NACC2: variants seen among roughly 807,000 people sequenced by gnomAD.
The protein encoded by NACC2 is NACC family member 2, also known as nucleus accumbens-associated protein 2.
NACC2 carries 8 observed loss-of-function variants against 25.1 expected under a neutral mutation model. The ratio of observed to expected loss-of-function variants is 0.32; its 90% CI spans 0.19 to 0.57. The LOEUF is 0.57. Ranked by LOEUF, NACC2 falls within the 20% of genes least tolerant of loss-of-function variation. NACC2 has a pLI of 0.89. For synonymous variants in NACC2, 435 were observed against 294.7 expected (o/e 1.48, Z -4.88); for missense variants, 644 against 650.2 (o/e 0.99, Z 0.10).
At chr9:136,059,795 T>C (rs1411241326) in intron 1 of NACC2, among the ~76,000 whole-genome samples, 1 of 152,186 alleles carries the variant, frequency 6.6e-6, no homozygotes, top group Non-Finnish European at 1.5e-5. Flanking sequence ...CCCATGAGCA[T>C]GTCACCCGGC....
rs1005118811 is a variant in NACC2 at position 136,077,277 on chromosome 9, C to A, written c.-60+17912G>T. On this transcript the variant is annotated intron_variant, in intron 1 of 5. Coordinates refer to ENST00000277554, the MANE Select transcript of NACC2 (RefSeq NM_144653.5). ...ACCCGGAGGTGGAGGTTGCAGTGAGCCAAGATTGCGCCATTGCACTCCAGC... is the reference window on the plus strand; with the variant it reads ...ACCCGGAGGTGGAGGTTGCAGTGAGACAAGATTGCGCCATTGCACTCCAGC... Among the ~76,000 whole-genome samples the A allele has an allele frequency of 5.9e-5, 9 of 152,194 alleles. No individual in the cohort carries two copies. In the South Asian group the frequency reaches 1.9e-3, roughly 32 times the overall value.
chr9:136,054,555 C>T (rs951099092), intron 1 of NACC2, among the ~76,000 whole-genome samples: 34 of 152,260 alleles, frequency 2.2e-4, no homozygotes, highest in African/African-American at 7.9e-4. Flanking sequence ...GACCCTCCTG[C>T]TACACCCAGA....
At chr9:136,074,451 T>C (rs1016118603) in intron 1 of NACC2, among the ~76,000 whole-genome samples, 3 of 29,368 alleles carry the variant, frequency 1.0e-4, no homozygotes, top group African/African-American at 1.7e-4. Context: ...AGACTCCGTC[T>C]CAAAAAAAAA....
intron 1 of NACC2, among the ~76,000 whole-genome samples, chr9:136,053,638 A>G (rs1005467304): frequency 1.2e-3 from 179 of 152,328 alleles, no homozygotes; most frequent in Non-Finnish European, 1.9e-3. Flanking sequence ...GGGCCTGTGC[A>G]ACACAGCACA....
At chr9:136,035,978 T>C (rs1168898958) in intron 2 of NACC2, among the ~76,000 whole-genome samples, 1 of 152,204 alleles carries the variant, frequency 6.6e-6, no homozygotes, top group Non-Finnish European at 1.5e-5. Flanking sequence ...GGAAGAAATT[T>C]CTTTAAATAG....
intron 2 of NACC2, among the ~76,000 whole-genome samples, chr9:136,041,015 G>GAAAGGAAGGAAGC (rs1388926458): frequency 1.1e-5 from 1 of 93,432 alleles, no homozygotes; most frequent in Non-Finnish European, 2.5e-5. Flanking sequence ...AGGAAGGAAG[G>GAAAGGAAGGAAGC]AAAGGAAAGG....
intron 2 of NACC2, among the ~76,000 whole-genome samples, chr9:136,046,100 C>A (rs1840720112): frequency 6.6e-6 from 1 of 152,232 alleles, no homozygotes; most frequent in Non-Finnish European, 1.5e-5. Flanking sequence ...ACAGCACCAC[C>A]AAGTCCCAAG....
chr9:136,011,644 CG>C lies in NACC2; in HGVS notation c.1635del (p.Glu546SerfsTer55). The C allele has an allele frequency of 7.1e-7, 1 of 1,403,890 alleles. No individual in the cohort carries two copies. 87.0% of individuals were successfully genotyped at this position (1,403,890 alleles called of 1,614,324 possible). ...CTCTGGCCATCGGCGGGCAGCGGCT[CG>C]GGGGCGGCCACCTCCTGGATGACCG... Reference protein sequence around the residue: ...AGSVIQEVAAPEPLPADGQSP... With the variant: ...AGSVIQEVAAXEPLPADGQSP... On this transcript the variant is annotated frameshift_variant, in exon 6 of 6. Coordinates refer to ENST00000277554, the MANE Select transcript of NACC2 (RefSeq NM_144653.5). LOFTEE classifies it high-confidence loss of function.
intron 2 of NACC2, among the ~76,000 whole-genome samples, chr9:136,029,772 C>T (rs1840446378): frequency 6.6e-6 from 1 of 152,218 alleles, no homozygotes; most frequent in Admixed American, 6.5e-5. Flanking sequence ...GCTGCCCACC[C>T]CACTGCAGCC....
intron 1 of NACC2, among the ~76,000 whole-genome samples, chr9:136,093,611 T>C (rs1279320697): frequency 1.3e-5 from 2 of 152,236 alleles, no homozygotes; most frequent in African/African-American, 2.4e-5. Flanking sequence ...CCAAGTGGCT[T>C]TGCCGAAAGG....
chr9:136,016,573 C>G (rs1278234842), intron 2 of NACC2, 144 bp from the exon 3 acceptor site: 14 of 946,928 alleles, frequency 1.5e-5, no homozygotes, highest in Admixed American at 2.5e-5. Flanking sequence ...CTCTGTGCCG[C>G]TCTCCTGCTG....
At chr9:136,016,466 T>C (rs1343987481) in intron 2 of NACC2, 37 bp from the exon 3 acceptor site, 1 of 1,608,900 alleles carries the variant, frequency 6.2e-7, no homozygotes. Flanking sequence ...GATGGGCATC[T>C]GGGGGGCCGG....
At chr9:136,045,232 A>T (rs1238000845) in intron 2 of NACC2, among the ~76,000 whole-genome samples, 1 of 152,100 alleles carries the variant, frequency 6.6e-6, no homozygotes, top group Non-Finnish European at 1.5e-5. Context: ...CACCGGGTGG[A>T]CCCCAGAGAG....
chr9:136,024,200 A>G (rs76213437), intron 2 of NACC2, among the ~76,000 whole-genome samples: 6,144 of 87,804 alleles, frequency 0.07, 781 homozygotes, highest in African/African-American at 0.25. Context: ...TGTGTGTGTG[A>G]GGACAGAGTG....
chr9:136,088,967 ATC>A (rs1484204542), intron 1 of NACC2, among the ~76,000 whole-genome samples: 1 of 152,248 alleles, frequency 6.6e-6, no homozygotes, highest in Non-Finnish European at 1.5e-5. Context: ...TGATCTCGGC[ATC>A]GCGTGGAGCG....
intron 2 of NACC2, among the ~76,000 whole-genome samples, chr9:136,045,406 T>C (rs1840707750): frequency 6.6e-6 from 1 of 151,396 alleles, no homozygotes; most frequent in South Asian, 2.1e-4. Context: ...TGGGAAAGGG[T>C]TACCGTGGAA....
chr9:136,077,988 G>A (rs1289978877), intron 1 of NACC2, among the ~76,000 whole-genome samples: 2 of 152,130 alleles, frequency 1.3e-5, no homozygotes, highest in Non-Finnish European at 2.9e-5. Context: ...TAGCCAGGCT[G>A]GTCTCAAACT....
At chr9:136,087,100 G>A (rs1830387148) in intron 1 of NACC2, among the ~76,000 whole-genome samples, 1 of 152,232 alleles carries the variant, frequency 6.6e-6, no homozygotes, top group African/African-American at 2.4e-5. Flanking sequence ...TGTGAGGACG[G>A]AGGCAGAGAC....
chr9:136,057,180 C>G (rs1840938188), intron 1 of NACC2, among the ~76,000 whole-genome samples: 1 of 152,232 alleles, frequency 6.6e-6, no homozygotes, highest in Non-Finnish European at 1.5e-5. Flanking sequence ...TGTGACTGAG[C>G]CGAGCCCTGC....
Sources: gnomAD v4.1 joint callset for allele counts (sites outside exome capture counted in the v4.1 genomes callset) on GRCh38, gnomAD v4.1.1 for gene constraint, MANE v1.5 for transcripts, NCBI Gene and HGNC (gene_info 2026-07-23, HGNC 2026-07-21) for gene names.